Variants in CHST1 observed in about 807,000 individuals in gnomAD.
The protein encoded by CHST1 is carbohydrate sulfotransferase 1.
A neutral mutation model predicts 22.5 loss-of-function variants in CHST1; 10 were observed. The ratio of observed to expected loss-of-function variants is 0.44; its 90% confidence interval spans 0.27 to 0.75. The LOEUF (loss-of-function observed/expected upper bound fraction) is 0.75, where lower values mean the gene tolerates loss of function less well. Among genes scored for constraint, CHST1 ranks in the 30% least tolerant of loss-of-function variants. The pLI, the probability that CHST1 is intolerant of heterozygous loss-of-function variation, is 0.15. For synonymous variants in CHST1, 267 were observed against 264.5 expected, an observed-to-expected ratio of 1.01 and a Z score of -0.09; for missense variants, 439 against 576.1, an observed-to-expected ratio of 0.76 and a Z score of 2.44.
chr11:45,659,407 C>T (rs758193881), intron 1 of CHST1, among the ~76,000 whole-genome samples: 2 of 152,168 alleles, frequency 1.3e-5, no homozygotes, highest in African/African-American at 2.4e-5. Flanking sequence ...ACATTGGTGC[C>T]GATCTCGATC....
chr11:45,664,036 C>A, intron 1 of CHST1, among the ~76,000 whole-genome samples: 1 of 152,200 alleles, frequency 6.6e-6, no homozygotes, highest in South Asian at 2.1e-4. Flanking sequence ...GCAGGCCCCA[C>A]TGCAAGGGGC....
At chr11:45,658,726 A>G (rs923722034) in intron 1 of CHST1, among the ~76,000 whole-genome samples, 2 of 152,034 alleles carry the variant, frequency 1.3e-5, no homozygotes, top group Admixed American at 1.3e-4. Flanking sequence ...CAGTCCTGGT[A>G]CAGCCTGGCT....
Position 45,650,734 on chromosome 11 carries a change from G to A in CHST1, c.190C>T (p.Leu64Phe). Residue 64 changes from leucine to phenylalanine, a missense_variant, in exon 4 of 4, where the codon CTC becomes TTC. Leu to Phe is a conservative substitution (Grantham distance 22). Transcript: ENST00000308064. ...AYNLSRKTHI[L>F]ILATTRSGSS... is the part of the protein sequence containing the mutation. ...CCACTGCGCGTGGTGGCCAGGATGA[G>A]GATGTGGGTCTTGCGGGAGAGGTTG... The A allele has an allele frequency of 6.2e-7, 1 of 1,614,154 alleles. No homozygotes were observed. The highest frequency in any genetic ancestry group is 8.5e-7 in the Non-Finnish European group (1 of 1,180,000).
chr11:45,649,563 C>T lies in CHST1; in HGVS notation c.*125G>A. 9.9e-7 allele frequency: 1 copy of T among 1,013,128 alleles called. No homozygotes were observed. The highest frequency in any genetic ancestry group is 1.4e-6 in the Non-Finnish European group (1 of 692,748). 62.8% of individuals were successfully genotyped at this position (1,013,128 alleles called of 1,614,324 possible). ...AAGGGGCAGAAGGGAGTGGGGTGAGCTGGGGGCAGGAAGGACACGAAGATG... is the reference window on the plus strand; with the variant it reads ...AAGGGGCAGAAGGGAGTGGGGTGAGTTGGGGGCAGGAAGGACACGAAGATG... On this transcript the variant is annotated 3_prime_UTR_variant, in exon 4 of 4. Coordinates refer to ENST00000308064, the MANE Select transcript of CHST1 (RefSeq NM_003654.6).
intron 1 of CHST1, among the ~76,000 whole-genome samples, chr11:45,653,423 C>G (rs1348333840): frequency 2.0e-5 from 3 of 152,148 alleles, no homozygotes; most frequent in African/African-American, 7.2e-5. Flanking sequence ...CAATCCCAAC[C>G]ACACTGCATC....
At chr11:45,655,927 G>A (rs1852056563) in intron 1 of CHST1, among the ~76,000 whole-genome samples, 1 of 152,224 alleles carries the variant, frequency 6.6e-6, no homozygotes, top group Non-Finnish European at 1.5e-5. Context: ...CAGCAGACAG[G>A]GGGACCCTCC....
chr11:45,651,897 C>T (rs2120324977), intron 3 of CHST1, 96 bp downstream of exon 3: 1 of 152,576 alleles, frequency 6.6e-6, no homozygotes, highest in Non-Finnish European at 1.5e-5. Context: ...CCTGAGCATC[C>T]TGTAGGCACC....
rs1851942028 is a variant in CHST1 at position 45,648,252 on chromosome 11, G to T, written c.*1436C>A. Among the ~76,000 whole-genome samples the T allele has an allele frequency of 6.6e-6, 1 of 152,102 alleles. No individual in the cohort carries two copies. The highest frequency in any genetic ancestry group is 1.5e-5 in the Non-Finnish European group (1 of 68,028). ...AGACCCAGACCCACCAACTAAATGG[G>T]TAACATTTAGCACAAGAAGGGATTC... is the stretch of plus-strand genomic sequence containing the variant. On this transcript the variant is annotated 3_prime_UTR_variant, in exon 4 of 4. Coordinates refer to ENST00000308064, the MANE Select transcript of CHST1 (RefSeq NM_003654.6).
chr11:45,654,545 G>A (rs1413114340), intron 1 of CHST1, among the ~76,000 whole-genome samples: 1 of 152,258 alleles, frequency 6.6e-6, no homozygotes, highest in African/African-American at 2.4e-5. Flanking sequence ...CTGGAAACCA[G>A]AGGCCCTGGG....
intron 1 of CHST1, among the ~76,000 whole-genome samples, chr11:45,660,423 C>A (rs546460496): frequency 6.6e-6 from 1 of 152,296 alleles, no homozygotes; most frequent in Admixed American, 6.5e-5. Flanking sequence ...GCTTTGTTGA[C>A]CCTTTTTGTG....
chr11:45,653,805 A>G (rs1008682738), intron 1 of CHST1, among the ~76,000 whole-genome samples: 5 of 152,152 alleles, frequency 3.3e-5, no homozygotes, highest in Admixed American at 1.3e-4. Context: ...CTGGGCATTC[A>G]CAATGTTCCT....
In CHST1 at chr11:45,650,177, G is replaced by A. The variant is rs761549838; in HGVS notation, c.747C>T (p.Asp249=). ...ACCAGAGCCGCCAGAGCCGGTACGT[G>A]TCGCGGAAGGTCTCGCTGCGCGAAG... The part of the protein sequence containing the change: ...ILASRSETFR[D]TYRLWRLWYG... Residue 249 remains aspartate, a synonymous_variant, in exon 4 of 4, where the codon GAC becomes GAT. Transcript: ENST00000308064. 1 of 1,612,852 alleles carries A rather than the reference G, an allele frequency of 6.2e-7. No homozygotes were observed.
rs1564995555 is a variant in CHST1, at chr11:45,649,731, G to C, written c.1193C>G (p.Ser398Trp). The C allele has an allele frequency of 5.0e-6, 8 of 1,604,056 alleles. 1 individual carries two copies. Among genetic ancestry groups the C allele is most frequent in the South Asian group, 2.2e-5 (2 of 90,524 alleles). Residue 398 changes from serine (S) to tryptophan (W), a missense_variant, in exon 4 of 4, where the codon TCG becomes TGG. Coordinates refer to ENST00000308064, the MANE Select transcript of CHST1 (RefSeq NM_003654.6). Reference sequence around the variant, plus strand: ...GTCCCGCTCCTCCACCAGGCTGACCGAGGGGTTCTTCAGCTCCTCCTCCGA... The same window carrying C: ...GTCCCGCTCCTCCACCAGGCTGACCCAGGGGTTCTTCAGCTCCTCCTCCGA... Reference protein sequence around the residue: ...AASEEELKNPSVSLVEERDFR... With the variant: ...AASEEELKNPWVSLVEERDFR...
rs1564995122 is a variant in CHST1 at position 45,649,168 on chromosome 11, G to GAC, written c.*519_*520insGT. 4 of 153,520 alleles carry GAC rather than the reference G, an allele frequency of 2.6e-5. No homozygotes were observed. The highest frequency in any genetic ancestry group is 9.7e-5 in the African/African-American group (4 of 41,430). 9.5% of individuals were successfully genotyped at this position (153,520 alleles called of 1,614,324 possible). A position where few individuals can be genotyped will look rare whatever the true frequency, so the allele number is the denominator to read the frequency against. ...GACAGGCAAGGGCGGGCAGGAGGGG[G>GAC]CAGTTTCGCTGCTCTAAGGGGGGAA... On this transcript the variant is annotated 3_prime_UTR_variant, in exon 4 of 4. Transcript: ENST00000308064.
Position 45,650,916 on chromosome 11 carries a change from C to G in CHST1, c.8G>C (p.Cys3Ser). Residue 3 changes from cysteine to serine, a missense_variant, in exon 4 of 4, where the codon TGT becomes TCT. Coordinates refer to ENST00000308064, the MANE Select transcript of CHST1 (RefSeq NM_003654.6). ...AAGGAGGAGGACGGCCTTCCAGGAA[C>G]ATTGCATGGCTGGGCACCTTCATGG... MQ[C>S]SWKAVLLLAL... 6.5e-7 allele frequency: 1 copy of G among 1,530,724 alleles called. No individual in the cohort carries two copies. The highest frequency in any genetic ancestry group is 8.8e-7 in the Non-Finnish European group (1 of 1,138,814). 94.8% of individuals were successfully genotyped at this position (1,530,724 alleles called of 1,614,324 possible).
intron 1 of CHST1, among the ~76,000 whole-genome samples, chr11:45,653,548 C>T (rs542433892): frequency 6.6e-6 from 1 of 152,312 alleles, no homozygotes; most frequent in Non-Finnish European, 1.5e-5. Flanking sequence ...CAAGTGCAGG[C>T]CTGCTCTGCC....
At chr11:45,651,283 A>G (rs1377053537) in intron 3 of CHST1, 1 of 191,862 alleles carries the variant, frequency 5.2e-6, no homozygotes, top group East Asian at 1.3e-4. Context: ...CTACTCCCAC[A>G]CTGAGGAAAT....
At chr11:45,661,370 A>G (rs186717509) in intron 1 of CHST1, among the ~76,000 whole-genome samples, 2 of 152,330 alleles carry the variant, frequency 1.3e-5, no homozygotes, top group Admixed American at 1.3e-4. Flanking sequence ...GGGAGTAAAC[A>G]GTCCGTTAAT....
intron 1 of CHST1, among the ~76,000 whole-genome samples, chr11:45,657,526 C>T (rs1223635015): frequency 6.6e-6 from 1 of 152,230 alleles, no homozygotes; most frequent in Non-Finnish European, 1.5e-5. Context: ...AAGATTTCTC[C>T]CAAGGGAGCT....
Sources: gnomAD v4.1 joint callset for allele counts (sites outside exome capture counted in the v4.1 genomes callset) on GRCh38, gnomAD v4.1.1 for gene constraint, MANE v1.5 for transcripts, NCBI Gene and HGNC (gene_info 2026-07-23, HGNC 2026-07-21) for gene names.